Variants in ALKBH8 observed in about 807,000 individuals in gnomAD.
The protein encoded by ALKBH8 is alkB homolog 8, tRNA methyltransferase, also known as tRNA (carboxymethyluridine(34)-5-O)-methyltransferase ALKBH8.
In ALKBH8, 36 loss-of-function variants were observed where a neutral mutation model predicts 59.8. The observed-to-expected ratio is 0.60, with a 90% CI of 0.46 to 0.79. The LOEUF (loss-of-function observed/expected upper bound fraction) is 0.79. Ranked by LOEUF, ALKBH8 falls within the 30% of genes least tolerant of loss-of-function variation. ALKBH8 has a pLI of 0.00. For missense variants in ALKBH8, 768 were observed against 801.0 expected (o/e 0.96, Z 0.50); for synonymous variants, 276 against 273.6 (o/e 1.01, Z -0.09).
intron 6 of ALKBH8, among the ~76,000 whole-genome samples, 165 bp downstream of exon 6, chr11:107,551,643 G>A (rs1175797824): frequency 6.8e-6 from 1 of 147,702 alleles, no homozygotes; most frequent in African/African-American, 2.5e-5. Flanking sequence ...GCAGTGAACC[G>A]AGACCACGCC....
At chr11:107,522,871 T>C (rs10219233) in intron 9 of ALKBH8, among the ~76,000 whole-genome samples, 20,161 of 151,952 alleles carry the variant, frequency 0.13, 1,664 homozygotes, top group Admixed American at 0.22. Flanking sequence ...TGCACACTGT[T>C]GGTGGGAATG....
At chr11:107,524,375 C>T (rs879768039) in intron 9 of ALKBH8, among the ~76,000 whole-genome samples, 1 of 151,944 alleles carries the variant, frequency 6.6e-6, no homozygotes, top group Non-Finnish European at 1.5e-5. Flanking sequence ...AATTATTATT[C>T]ATCTTAAAAA....
chr11:107,522,530 CTG>C lies in ALKBH8; in HGVS notation c.1054_1055del (p.Gln352GlufsTer12). The C allele has an allele frequency of 6.4e-7, 1 of 1,551,570 alleles. No homozygotes were observed. The highest frequency in any genetic ancestry group is 8.7e-7 in the Non-Finnish European group (1 of 1,146,946). On this transcript the variant is annotated frameshift_variant, in exon 10 of 12. Coordinates refer to ENST00000428149, the MANE Select transcript of ALKBH8 (RefSeq NM_138775.3). LOFTEE classifies it high-confidence loss of function. ...NCSYPLVCDS[Q>X]RKETPPSFPE... Reference sequence around the variant, plus strand: ...GAAATGAGGGGGGAGTCTCTTTCCTCTGGCTATCACAGACCAACGGGTAACCT... The same window carrying C: ...GAAATGAGGGGGGAGTCTCTTTCCTCGCTATCACAGACCAACGGGTAACCT...
At chr11:107,514,394 A>G (rs1862769546) in intron 10 of ALKBH8, among the ~76,000 whole-genome samples, 1 of 152,198 alleles carries the variant, frequency 6.6e-6, no homozygotes, top group African/African-American at 2.4e-5. Flanking sequence ...TCAATTTGTA[A>G]TCGGTATTAA....
At chr11:107,528,686 C>T (rs567765067) in intron 8 of ALKBH8, among the ~76,000 whole-genome samples, 1 of 152,254 alleles carries the variant, frequency 6.6e-6, no homozygotes, top group East Asian at 1.9e-4. Context: ...TTCCTAACTG[C>T]TTTTCCAACA....
At position 107,556,945 on chromosome 11, in the gene ALKBH8, G is replaced by A. The variant is rs369247558; in HGVS notation, c.188C>T (p.Pro63Leu). The change falls in exon 3 of 12, where the codon CCG (proline) becomes CTG (leucine). Residue 63 changes from proline to leucine, a missense_variant. Transcript: ENST00000428149. ...GNGVSRNQLL[P>L]VLEKCGLVDA... The stretch of plus-strand genomic sequence containing the variant: ...CACCAGTCCACATTTCTCTAAAACC[G>A]GGAGCAGCTGGTTCCGACTCACACC... 75 of 1,610,486 alleles carry A rather than the reference G, an allele frequency of 4.7e-5. No individual in the cohort carries two copies. Among genetic ancestry groups the A allele is most frequent in the Non-Finnish European group, 5.6e-5 (66 of 1,178,322 alleles).
intron 11 of ALKBH8, among the ~76,000 whole-genome samples, chr11:107,507,347 T>C (rs1862430376): frequency 6.6e-6 from 1 of 152,084 alleles, no homozygotes. Flanking sequence ...TATGTTAAAA[T>C]AGGAGGAAGC....
chr11:107,551,110 G>C (rs1027674855), intron 6 of ALKBH8, among the ~76,000 whole-genome samples: 3 of 152,148 alleles, frequency 2.0e-5, no homozygotes, highest in Non-Finnish European at 4.4e-5. Context: ...TTATCAAATA[G>C]AAAGAAGAGA....
intron 5 of ALKBH8, among the ~76,000 whole-genome samples, chr11:107,552,236 T>C (rs1474489588): frequency 6.6e-6 from 1 of 151,714 alleles, no homozygotes; most frequent in African/African-American, 2.4e-5. Flanking sequence ...TTTTAAATTA[T>C]ACCATTTATT....
chr11:107,523,731 T>C (rs957196799), intron 9 of ALKBH8, among the ~76,000 whole-genome samples: 1 of 150,660 alleles, frequency 6.6e-6, no homozygotes, highest in Non-Finnish European at 1.5e-5. Context: ...GCCTCCCGAG[T>C]AGCTGGGATT....
chr11:107,512,800 G>T (rs946266570), intron 10 of ALKBH8, among the ~76,000 whole-genome samples: 2 of 152,140 alleles, frequency 1.3e-5, no homozygotes, highest in African/African-American at 2.4e-5. Flanking sequence ...GCCCTTCTGA[G>T]AATAAAGACT....
intron 7 of ALKBH8, among the ~76,000 whole-genome samples, chr11:107,547,423 G>C (rs763369179): frequency 1.3e-5 from 2 of 152,150 alleles, no homozygotes; most frequent in Non-Finnish European, 2.9e-5. Context: ...CAGAAGTGAA[G>C]GCTTTAAGTA....
At chr11:107,507,277 T>C (rs1591238944) in intron 11 of ALKBH8, among the ~76,000 whole-genome samples, 1 of 152,246 alleles carries the variant, frequency 6.6e-6, no homozygotes, top group Non-Finnish European at 1.5e-5. Context: ...ACACATTGTA[T>C]TGTACACCCA....
At chr11:107,545,519 G>T (rs1042654752) in intron 7 of ALKBH8, among the ~76,000 whole-genome samples, 1 of 152,328 alleles carries the variant, frequency 6.6e-6, no homozygotes, top group Non-Finnish European at 1.5e-5. Flanking sequence ...GAAATATACT[G>T]AAAGACGTGG....
chr11:107,555,682 A>G (rs1431962110), intron 3 of ALKBH8, among the ~76,000 whole-genome samples: 6 of 152,202 alleles, frequency 3.9e-5, no homozygotes, highest in Non-Finnish European at 8.8e-5. Context: ...CATAAATTTG[A>G]GCAGATTATA....
At chr11:107,515,515 C>T (rs1356073993) in intron 10 of ALKBH8, among the ~76,000 whole-genome samples, 1 of 152,112 alleles carries the variant, frequency 6.6e-6, no homozygotes, top group Non-Finnish European at 1.5e-5. Flanking sequence ...GCCATCATGC[C>T]TGGCTAATTT....
intron 7 of ALKBH8, among the ~76,000 whole-genome samples, chr11:107,542,423 G>A (rs1864079439): frequency 6.6e-6 from 1 of 152,152 alleles, no homozygotes; most frequent in African/African-American, 2.4e-5. Flanking sequence ...TAGTGCATGA[G>A]GAAGCTTGTG....
intron 9 of ALKBH8, 33 bp from the exon 10 acceptor site, chr11:107,522,588 T>A (rs1031399735): frequency 3.5e-5 from 53 of 1,532,814 alleles, no homozygotes; most frequent in Non-Finnish European, 4.6e-5. Context: ...CCTTTCCTTT[T>A]TATCAGAATA....
At chr11:107,508,969 G>A (rs114221653) in intron 11 of ALKBH8, among the ~76,000 whole-genome samples, 1,767 of 152,258 alleles carry the variant, frequency 0.012, 34 homozygotes, top group African/African-American at 0.04. Flanking sequence ...TGCTATGAAC[G>A]TAGGTGTATA....
Sources: allele counts gnomAD v4.1 joint callset (sites outside exome capture counted in the v4.1 genomes callset), GRCh38; gene constraint gnomAD v4.1.1; transcripts MANE v1.5; gene names NCBI Gene and HGNC (gene_info 2026-07-23, HGNC 2026-07-21).